Variants in FUT8 observed in about 807,000 individuals in gnomAD.
The protein encoded by FUT8 is alpha-(1,6)-fucosyltransferase.
Under a neutral mutation model 71.3 loss-of-function variants are expected in FUT8, and 29 were observed. The ratio of observed to expected loss-of-function variants is 0.41; its 90% CI spans 0.30 to 0.55. The LOEUF (loss-of-function observed/expected upper bound fraction) is 0.55, where lower values mean the gene tolerates loss of function less well. Ranked by LOEUF, FUT8 falls within the 20% of genes least tolerant of loss-of-function variation. The probability of loss-of-function intolerance (pLI) is 0.34; values close to 1 mark genes in which losing one functional copy is unlikely to be tolerated. For synonymous variants in FUT8, 254 were observed against 239.3 expected (o/e 1.06, Z -0.57); for missense variants, 544 against 702.1 (o/e 0.77, Z 2.55).
At chr14:65,546,153 A>G (rs1353146283) in intron 2 of FUT8, among the ~76,000 whole-genome samples, 1 of 151,840 alleles carries the variant, frequency 6.6e-6, no homozygotes, top group Non-Finnish European at 1.5e-5. Context: ...GTTAGATGAT[A>G]TTTCTTAAAT....
chr14:65,369,051 A>G, the FUT8 span, among the ~76,000 whole-genome samples: 1 of 152,350 alleles, frequency 6.6e-6, no homozygotes, highest in East Asian at 1.9e-4. The surrounding 1 kb of genome is among the most constrained non-coding windows in gnomAD (Gnocchi z 4.6). Flanking sequence ...AATTATTGAG[A>G]TATTTTACAT....
chr14:65,443,381 G>A (rs2065690602), intron 1 of FUT8, among the ~76,000 whole-genome samples: 2 of 148,704 alleles, frequency 1.3e-5, no homozygotes, highest in Admixed American at 1.4e-4. Context: ...CTGCACTCCA[G>A]CCTGGGCAAC....
At chr14:65,508,493 T>G (rs893732617) in intron 2 of FUT8, among the ~76,000 whole-genome samples, 2 of 99,684 alleles carry the variant, frequency 2.0e-5, no homozygotes, top group African/African-American at 8.6e-5. Flanking sequence ...TTGTTTGAGT[T>G]TTTTTTTTTT....
intron 2 of FUT8, among the ~76,000 whole-genome samples, chr14:65,532,733 G>A (rs989232562): frequency 6.6e-6 from 1 of 152,108 alleles, no homozygotes; most frequent in African/African-American, 2.4e-5. Context: ...GTTCAGAATG[G>A]TATTGCCTAC....
At chr14:65,712,600 A>C (rs1242490635) in intron 7 of FUT8, among the ~76,000 whole-genome samples, 2 of 152,068 alleles carry the variant, frequency 1.3e-5, no homozygotes, top group East Asian at 3.9e-4. Context: ...ATGTGCCACC[A>C]CACCCGGCTA....
chr14:65,522,224 C>G (rs905177929), intron 2 of FUT8, among the ~76,000 whole-genome samples: 5 of 152,186 alleles, frequency 3.3e-5, no homozygotes, highest in Admixed American at 3.3e-4. Flanking sequence ...TTTTCTCCCT[C>G]TCCCGACTTT....
chr14:65,375,171 GC>G, the FUT8 span, among the ~76,000 whole-genome samples: 135 of 152,202 alleles, frequency 8.9e-4, no homozygotes, highest in Middle Eastern at 0.02. Flanking sequence ...TTTAAGATGA[GC>G]CCAGGAAATT....
At chr14:65,508,996 C>T (rs1594716178) in intron 2 of FUT8, among the ~76,000 whole-genome samples, 1 of 152,038 alleles carries the variant, frequency 6.6e-6, no homozygotes, top group Non-Finnish European at 1.5e-5. Flanking sequence ...GAAATCATTG[C>T]CCAGACCGAT....
intron 7 of FUT8, among the ~76,000 whole-genome samples, chr14:65,681,265 A>G (rs536048662): frequency 6.6e-6 from 1 of 152,288 alleles, no homozygotes; most frequent in East Asian, 1.9e-4. Context: ...TCCTTGAAAA[A>G]TTTTAATCTC....
At position 65,615,978 on chromosome 14, in the gene FUT8, G is replaced by A. The variant is rs1566854385; in HGVS notation, c.204G>A (p.Arg68=). 1 of 1,604,990 alleles carries A rather than the reference G, an allele frequency of 6.2e-7. No individual in the cohort carries two copies. Among genetic ancestry groups the A allele is most frequent in the Non-Finnish European group, 8.5e-7 (1 of 1,174,506 alleles). ...EDLRRMAESL[R]IPEGPIDQGP... ...TTACATTATCTTCCCTAAACTACAG[G>A]ATACCAGAAGGCCCTATTGATCAGG... The change falls in exon 4 of 11, where the codon CGG becomes CGA. Residue 68 remains arginine (R), a splice_region_variant and synonymous_variant. Coordinates refer to ENST00000673929, the MANE Select transcript of FUT8 (RefSeq NM_001371533.1).
intron 7 of FUT8, among the ~76,000 whole-genome samples, chr14:65,672,978 G>A (rs980169985): frequency 1.3e-5 from 2 of 152,130 alleles, no homozygotes; most frequent in Non-Finnish European, 1.5e-5. Flanking sequence ...AGGCTGTTCT[G>A]TCTTTCCTTC....
intron 2 of FUT8, among the ~76,000 whole-genome samples, chr14:65,542,322 T>G (rs1160904127): frequency 6.6e-6 from 1 of 152,190 alleles, no homozygotes; most frequent in Non-Finnish European, 1.5e-5. Flanking sequence ...TGTCTAACCT[T>G]AGAGCCTGTA....
At chr14:65,544,846 A>C (rs1021625431) in intron 2 of FUT8, among the ~76,000 whole-genome samples, 4 of 152,222 alleles carry the variant, frequency 2.6e-5, no homozygotes, top group African/African-American at 9.6e-5. Flanking sequence ...ATGATAGATG[A>C]GTATAAGTAA....
At chr14:65,366,610 G>A in the FUT8 span, among the ~76,000 whole-genome samples, 1 of 152,116 alleles carries the variant, frequency 6.6e-6, no homozygotes, top group African/African-American at 2.4e-5. Context: ...GTTAGTAGTG[G>A]CAAGATGATC....
chr14:65,597,381 C>T (rs1277643571), intron 3 of FUT8, among the ~76,000 whole-genome samples: 1 of 152,178 alleles, frequency 6.6e-6, no homozygotes, highest in African/African-American at 2.4e-5. Flanking sequence ...GTAATCCCAG[C>T]ACTTTGGGAG....
At chr14:65,370,317 C>A in the FUT8 span, among the ~76,000 whole-genome samples, 2 of 151,196 alleles carry the variant, frequency 1.3e-5, no homozygotes, top group African/African-American at 4.9e-5. Context: ...ACGCCATTCT[C>A]CCACCTCAGC....
chr14:65,497,076 T>G (rs142036969), intron 2 of FUT8, among the ~76,000 whole-genome samples: 95 of 152,332 alleles, frequency 6.2e-4, no homozygotes, highest in Non-Finnish European at 9.4e-4. Flanking sequence ...AGCCAGACAC[T>G]GTGTTACATA....
At chr14:65,741,776 T>C (rs1896515908) in intron 10 of FUT8, among the ~76,000 whole-genome samples, 1 of 152,056 alleles carries the variant, frequency 6.6e-6, no homozygotes, top group Non-Finnish European at 1.5e-5. Context: ...CCACTGTGTA[T>C]GTAGCTCTTA....
intron 7 of FUT8, among the ~76,000 whole-genome samples, chr14:65,684,881 G>C (rs774056590): frequency 6.6e-6 from 1 of 152,074 alleles, no homozygotes; most frequent in African/African-American, 2.4e-5. Flanking sequence ...ACCTAGTCTC[G>C]GGTATGTCTT....
Sources: gnomAD v4.1 joint callset for allele counts (sites outside exome capture counted in the v4.1 genomes callset) on GRCh38, gnomAD v4.1.1 for gene constraint, Gnocchi (gnomAD v3.1) non-coding constraint, MANE v1.5 for transcripts, NCBI Gene and HGNC (gene_info 2026-07-23, HGNC 2026-07-21) for gene names.